COPS3: variants seen among roughly 807,000 people sequenced by gnomAD.
COPS3 encodes the protein COP9 signalosome subunit 3.
A neutral mutation model predicts 58.2 loss-of-function variants in COPS3; 10 were observed. That is an observed-to-expected ratio of 0.17 (90% confidence interval 0.11 to 0.29). The LOEUF (loss-of-function observed/expected upper bound fraction) is 0.29. COPS3 is among the 10% of genes least tolerant of loss of function. The probability of loss-of-function intolerance (pLI) is 1.00; values close to 1 mark genes in which losing one functional copy is unlikely to be tolerated. For synonymous variants in COPS3, 187 were observed against 181.7 expected (o/e 1.03, Z -0.24); for missense variants, 333 against 510.1 (o/e 0.65, Z 3.34).
At chr17:17,271,857 TACACACATAC>T (rs2048356753) in intron 2 of COPS3, among the ~76,000 whole-genome samples, 1 of 135,250 alleles carries the variant, frequency 7.4e-6, no homozygotes, top group East Asian at 2.3e-4. Context: ...TATATATATA[TACACACATAC>T]ACACACATAT....
At chr17:17,251,462 T>C (rs2047841718) in intron 9 of COPS3, among the ~76,000 whole-genome samples, 1 of 143,436 alleles carries the variant, frequency 7.0e-6, no homozygotes, top group South Asian at 2.1e-4. Context: ...GCCTAGCTAA[T>C]TTTTTTTGTA....
chr17:17,273,613 G>C (rs2048397556), intron 2 of COPS3, among the ~76,000 whole-genome samples: 1 of 152,094 alleles, frequency 6.6e-6, no homozygotes, highest in African/African-American at 2.4e-5. Flanking sequence ...GACTTTGGGA[G>C]GCTGAGATGG....
chr17:17,247,724 C>T, intron 10 of COPS3, 164 bp from the exon 11 acceptor site: 2 of 588,276 alleles, frequency 3.4e-6, no homozygotes, highest in Non-Finnish European at 6.0e-6. Flanking sequence ...ACTCAGAAAG[C>T]TAATACATCT....
chr17:17,252,953 G>A (rs1043741735), intron 9 of COPS3, among the ~76,000 whole-genome samples: 1 of 152,184 alleles, frequency 6.6e-6, no homozygotes, highest in Non-Finnish European at 1.5e-5. Context: ...TGGGTGCAGT[G>A]GCTGTATCCA....
intron 5 of COPS3, among the ~76,000 whole-genome samples, chr17:17,267,327 CAA>C (rs778325363): frequency 0.011 from 539 of 50,342 alleles, 2 homozygotes; most frequent in African/African-American, 0.042. Context: ...GACTCCGTCT[CAA>C]AAAAAAAAAA....
rs1488139987 is a variant in COPS3 at position 17,276,070 on chromosome 17, A to G, written c.150T>C (p.Asp50=). ...GGACGCCCAAGGAGTGTTCTTGTAC[A>G]TCCAGAGCCCCGAGCACAGTGTCCA... is the stretch of plus-strand genomic sequence containing the variant. The part of the protein sequence containing the change: ...SHLDTVLGAL[D]VQEHSLGVLA... The change falls in exon 2 of 12, where the codon GAT becomes GAC. Residue 50 remains aspartate (D), a synonymous_variant. Coordinates refer to ENST00000268717, the MANE Select transcript of COPS3 (RefSeq NM_003653.4). The G allele has an allele frequency of 3.1e-6, 5 of 1,614,056 alleles. No individual in the cohort carries two copies. Among genetic ancestry groups the G allele is most frequent in the Non-Finnish European group, 3.4e-6 (4 of 1,180,010 alleles).
intron 9 of COPS3, among the ~76,000 whole-genome samples, chr17:17,250,339 C>T (rs1186854610): frequency 6.6e-6 from 1 of 150,600 alleles, no homozygotes; most frequent in Non-Finnish European, 1.5e-5. Context: ...ACTGCAACCT[C>T]CACCTCCTGG....
rs1488789170 is a variant in COPS3 at position 17,281,149 on chromosome 17, C to T, written c.38G>A (p.Arg13Gln). 4.3e-6 allele frequency: 7 copies of T among 1,611,330 alleles called. No individual in the cohort carries two copies. The highest frequency in any genetic ancestry group is 1.1e-5 in the South Asian group (1 of 90,412). The stretch of plus-strand genomic sequence containing the variant: ...GGCGTTACCTTGAGCTGAGAGCTGT[C>T]GGACACTGTTCACGAACTGCTCCAG... ...SALEQFVNSV[R>Q]QLSAQGQMTQ... The change falls in exon 1 of 12, where the codon CGA (arginine) becomes CAA (glutamine). Residue 13 changes from arginine (R) to glutamine (Q), a missense_variant. Transcript: ENST00000268717.
At chr17:17,250,021 C>T (rs887906464) in intron 9 of COPS3, among the ~76,000 whole-genome samples, 1 of 152,192 alleles carries the variant, frequency 6.6e-6, no homozygotes, top group African/African-American at 2.4e-5. Context: ...ATTTTCGTCA[C>T]CCCAGAAAGA....
At chr17:17,257,823 AG>A (rs1016239308) in intron 8 of COPS3, among the ~76,000 whole-genome samples, 6 of 151,814 alleles carry the variant, frequency 4.0e-5, no homozygotes, top group African/African-American at 1.5e-4. Context: ...AAAAAGAAAA[AG>A]AAAAAGAAAA....
chr17:17,255,605 C>T (rs529141015), intron 8 of COPS3, among the ~76,000 whole-genome samples: 2 of 151,540 alleles, frequency 1.3e-5, no homozygotes, highest in South Asian at 2.1e-4. Context: ...TTTGGGAGGC[C>T]GAGGTGGGTG....
intron 6 of COPS3, 45 bp from the exon 7 acceptor site, chr17:17,262,151 T>C (rs769890140): frequency 8.4e-6 from 13 of 1,554,020 alleles, no homozygotes; most frequent in Non-Finnish European, 1.0e-5. Flanking sequence ...CATACCACAG[T>C]AGCAAACAAC....
chr17:17,280,862 C>A, intron 1 of COPS3: 3 of 1,145,094 alleles, frequency 2.6e-6, no homozygotes, highest in Non-Finnish European at 2.4e-6. Flanking sequence ...AAGCAAAGCG[C>A]CCGGTGGAAG....
chr17:17,260,222 A>G, intron 8 of COPS3, 79 bp downstream of exon 8: 2 of 1,377,362 alleles, frequency 1.5e-6, no homozygotes, highest in Non-Finnish European at 2.0e-6. Flanking sequence ...CTGCTTCCTC[A>G]GCTCTGAAAA....
chr17:17,270,914 G>A lies in COPS3; in HGVS notation c.280C>T (p.Arg94Ter). ...FISTCNGEHI[R>*]YATDTFAGLC... The stretch of plus-strand genomic sequence containing the variant: ...AGCTTACAAGTGTCTGTTGCATATC[G>A]AATGTGCTCCCCATTACAAGTGCTG... Residue 94 changes from arginine (R) to a stop codon, truncating the protein, a stop_gained, in exon 3 of 12, where the codon CGA becomes TGA. Transcript: ENST00000268717. LOFTEE classifies it high-confidence loss of function. 6.2e-7 allele frequency: 1 copy of A among 1,613,516 alleles called. No individual in the cohort carries two copies. The highest frequency in any genetic ancestry group is 8.5e-7 in the Non-Finnish European group (1 of 1,179,790).
In COPS3 at chr17:17,247,042, C is replaced by G. The variant is rs1481679684; in HGVS notation, c.*56G>C. Reference sequence around the variant, plus strand: ...GGTCCTCTCTGCTGCCCTCCGAACACTTGTCACTGGCCAAGATGGTAGTTT... The same window carrying G: ...GGTCCTCTCTGCTGCCCTCCGAACAGTTGTCACTGGCCAAGATGGTAGTTT... On this transcript the variant is annotated 3_prime_UTR_variant, in exon 12 of 12. Transcript: ENST00000268717. 6.3e-5 allele frequency: 96 copies of G among 1,517,346 alleles called. No individual in the cohort carries two copies. The highest frequency in any genetic ancestry group is 8.5e-5 in the Non-Finnish European group (93 of 1,092,084). The allele number at this position is 1,517,346 out of a possible 1,614,324, so 94.0% of individuals were successfully genotyped here.
chr17:17,263,577 G>A (rs1207012556), intron 6 of COPS3, among the ~76,000 whole-genome samples: 10 of 134,884 alleles, frequency 7.4e-5, no homozygotes, highest in Non-Finnish European at 1.5e-4. Flanking sequence ...GCAATGGCAC[G>A]ATCTCGGCTC....
In COPS3 at chr17:17,276,102, A is replaced by G. The variant is rs374421068; in HGVS notation, c.118T>C (p.Ser40Pro). 5 of 1,614,032 alleles carry G rather than the reference A, an allele frequency of 3.1e-6. No homozygotes were observed. Among genetic ancestry groups the G allele is most frequent in the Non-Finnish European group, 4.2e-6 (5 of 1,180,012 alleles). Reference protein sequence around the residue: ...KSGELLAKNLSHLDTVLGALD... With the variant: ...KSGELLAKNLPHLDTVLGALD... ...GCCCCGAGCACAGTGTCCAGATGGGATAAGTTCTTCGCAAGGAGTTCCCCA... is the reference window on the plus strand; with the variant it reads ...GCCCCGAGCACAGTGTCCAGATGGGGTAAGTTCTTCGCAAGGAGTTCCCCA... The change falls in exon 2 of 12, where the codon TCC becomes CCC. Residue 40 changes from serine to proline, a missense_variant. Physicochemically the swap from Ser to Pro is moderately conservative, Grantham distance 74 (BLOSUM62 -1). Transcript: ENST00000268717.
intron 1 of COPS3, among the ~76,000 whole-genome samples, chr17:17,279,934 G>C (rs761141951): frequency 1.3e-5 from 2 of 152,168 alleles, no homozygotes; most frequent in Non-Finnish European, 2.9e-5. Context: ...AAACAACCTG[G>C]AAAGTGCGAG....
Sources: allele counts gnomAD v4.1 joint callset (sites outside exome capture counted in the v4.1 genomes callset), GRCh38; gene constraint gnomAD v4.1.1; transcripts MANE v1.5; gene names NCBI Gene and HGNC (gene_info 2026-07-23, HGNC 2026-07-21).